The following STK4 variants were observed in gnomAD, a reference collection of about 807,000 sequenced individuals.
STK4 encodes serine/threonine-protein kinase 4.
A neutral mutation model predicts 64.9 loss-of-function variants in STK4; 30 were observed. The observed-to-expected ratio is 0.46, with a 90% CI of 0.35 to 0.63. The LOEUF (loss-of-function observed/expected upper bound fraction) is 0.63. STK4 is among the 20% of genes least tolerant of loss of function. The pLI, the probability that STK4 is intolerant of heterozygous loss-of-function variation, is 0.01. For synonymous variants in STK4, 177 were observed against 199.0 expected (o/e 0.89, Z 0.93); for missense variants, 466 against 598.5 (o/e 0.78, Z 2.31).
At chr20:45,006,791 A>G (rs2067954384) in intron 9 of STK4, among the ~76,000 whole-genome samples, 1 of 152,148 alleles carries the variant, frequency 6.6e-6, no homozygotes, top group Non-Finnish European at 1.5e-5. Context: ...TTTTTAAGCC[A>G]TCTTCTTAAG....
At chr20:45,023,932 G>A (rs1235636119) in intron 9 of STK4, among the ~76,000 whole-genome samples, 2 of 122,886 alleles carry the variant, frequency 1.6e-5, no homozygotes, top group East Asian at 2.3e-4. Context: ...ACAGAGTCTC[G>A]CTCTGTCACC....
At position 44,966,668 on chromosome 20, in the gene STK4, A is replaced by AG. The variant is rs1439617525; in HGVS notation, c.35+69dup. The AG allele has an allele frequency of 2.4e-6, 3 of 1,258,160 alleles. No individual in the cohort carries two copies. In the African/African-American group the frequency reaches 4.7e-5, roughly 20 times the overall value. 77.9% of individuals were successfully genotyped at this position (1,258,160 alleles called of 1,614,324 possible). On this transcript the variant is annotated intron_variant, in intron 1 of 10. Coordinates refer to ENST00000372806, the MANE Select transcript of STK4 (RefSeq NM_006282.5). ...GGGAAGAAAAGGCGGGAACTGGTTG[A>AG]GGGGATACACCTGTGTGGGAGTCCC...
intron 10 of STK4, among the ~76,000 whole-genome samples, chr20:45,066,460 C>T (rs1979585400): frequency 6.6e-6 from 1 of 152,208 alleles, no homozygotes; most frequent in Admixed American, 6.5e-5. Flanking sequence ...TCTCTAGGCT[C>T]TGTGGACAAA....
intron 5 of STK4, among the ~76,000 whole-genome samples, chr20:44,987,702 T>C (rs1453165069): frequency 1.3e-5 from 2 of 152,148 alleles, no homozygotes; most frequent in African/African-American, 4.8e-5. Flanking sequence ...CTCTGTTCGT[T>C]TGAGTCCAGG....
chr20:45,014,543 A>AT (rs984166878), intron 9 of STK4, among the ~76,000 whole-genome samples: 15 of 149,628 alleles, frequency 1.0e-4, no homozygotes, highest in South Asian at 2.1e-4. Flanking sequence ...GCAAAAAAAT[A>AT]TTTTTTTTTT....
chr20:44,980,199 C>G (rs2067413130), intron 3 of STK4, among the ~76,000 whole-genome samples: 1 of 152,220 alleles, frequency 6.6e-6, no homozygotes, highest in Admixed American at 6.5e-5. Flanking sequence ...CAGTATTTAA[C>G]TCCTGTCAGT....
rs71197599 is a variant in STK4 at position 45,062,989 on chromosome 20, CTTTTTTTTTTTTTT to C, written c.1306-12012_1306-11999del. Reference sequence around the variant, plus strand: ...ACAGGTGTGAGCCACCGCACCCGGCCTTTTTTTTTTTTTTTTTTTTTTTTTTTTTTGGACACAGG... The same window carrying C: ...ACAGGTGTGAGCCACCGCACCCGGCCTTTTTTTTTTTTTTTTGGACACAGG... On this transcript the variant is annotated intron_variant, in intron 10 of 10. Coordinates refer to ENST00000372806, the MANE Select transcript of STK4 (RefSeq NM_006282.5). Among the ~76,000 whole-genome samples, 24 of 31,500 alleles carry C rather than the reference CTTTTTTTTTTTTTT, an allele frequency of 7.6e-4. No individual in the cohort carries two copies. The South Asian group carries it at 0.029, about 38-fold the overall frequency. 20.7% of individuals were successfully genotyped at this position (31,500 alleles called of 152,430 possible). A position where few individuals can be genotyped will look rare whatever the true frequency, so the allele number is the denominator to read the frequency against.
intron 10 of STK4, among the ~76,000 whole-genome samples, chr20:45,070,193 G>A (rs898594142): frequency 1.8e-4 from 27 of 152,174 alleles, no homozygotes; most frequent in African/African-American, 6.3e-4. Context: ...GGGAGGCAGG[G>A]GCCAGCCATA....
intron 9 of STK4, among the ~76,000 whole-genome samples, chr20:45,020,970 C>A (rs1157926332): frequency 6.6e-6 from 1 of 151,904 alleles, no homozygotes; most frequent in Non-Finnish European, 1.5e-5. Context: ...TGCCACCACA[C>A]CCAGCTAATT....
Position 45,026,861 on chromosome 20 carries a change from A to G in STK4, c.1305+1731A>G, listed in dbSNP as rs574309914. Among the ~76,000 whole-genome samples the G allele has an allele frequency of 1.9e-3, 288 of 152,300 alleles. 1 individual carries two copies. The highest frequency in any genetic ancestry group is 6.8e-3 in the African/African-American group (284 of 41,564). On this transcript the variant is annotated intron_variant, in intron 10 of 10. Coordinates refer to ENST00000372806, the MANE Select transcript of STK4 (RefSeq NM_006282.5). ...CATCTGTTCCACTGAATCAGGGTTC[A>G]GCTTCAGAATCCTTCTTAACACAGC...
At chr20:45,029,206 C>T (rs1015541428) in intron 10 of STK4, among the ~76,000 whole-genome samples, 3 of 152,154 alleles carry the variant, frequency 2.0e-5, no homozygotes, top group Admixed American at 2.0e-4. Context: ...TAATGGTTGT[C>T]TGGAGCTGAG....
chr20:44,971,112 CACACACACACACAT>C (rs2067237981), intron 1 of STK4, among the ~76,000 whole-genome samples: 1 of 151,308 alleles, frequency 6.6e-6, no homozygotes, highest in African/African-American at 2.4e-5. Flanking sequence ...CACACACACA[CACACACACACACAT>C]ATTCCTTGGC....
chr20:45,059,233 C>T (rs1453797203), intron 10 of STK4, among the ~76,000 whole-genome samples: 3 of 152,172 alleles, frequency 2.0e-5, no homozygotes, highest in African/African-American at 7.2e-5. Context: ...TTTCTTTTTC[C>T]TTCTTCACAG....
At chr20:45,063,981 G>T (rs1979335137) in intron 10 of STK4, among the ~76,000 whole-genome samples, 1 of 151,960 alleles carries the variant, frequency 6.6e-6, no homozygotes. Context: ...CTAATTTTTT[G>T]TATGTTTTAG....
intron 10 of STK4, among the ~76,000 whole-genome samples, chr20:45,065,982 AT>A (rs746731789): frequency 2.1e-4 from 32 of 152,068 alleles, no homozygotes; most frequent in Non-Finnish European, 4.6e-4. Flanking sequence ...TTACTTAATA[AT>A]GGCCCCAAAG....
At chr20:45,065,525 C>T (rs1230695879) in intron 10 of STK4, among the ~76,000 whole-genome samples, 3 of 152,110 alleles carry the variant, frequency 2.0e-5, no homozygotes, top group African/African-American at 2.4e-5. Context: ...AGGAGTCCCT[C>T]CTCCTCAATT....
Position 45,079,534 on chromosome 20 carries a change from G to A in STK4, c.*4358G>A, listed in dbSNP as rs1169675804. 6.6e-6 allele frequency: 1 copy of A among 152,164 alleles called. No individual in the cohort carries two copies. The highest frequency in any genetic ancestry group is 1.9e-4 in the East Asian group (1 of 5,190). The allele number at this position is 152,164 out of a possible 1,614,324, so 9.4% of individuals were successfully genotyped here. A position where few individuals can be genotyped will look rare whatever the true frequency, so the allele number is the denominator to read the frequency against. ...CCATCTTTTCTTAAGCACTATGTTT[G>A]TGTTTTTATCAGTATTATATTCATT... On this transcript the variant is annotated 3_prime_UTR_variant, in exon 11 of 11. Coordinates refer to ENST00000372806, the MANE Select transcript of STK4 (RefSeq NM_006282.5).
chr20:45,059,930 A>G (rs373415968), intron 10 of STK4, among the ~76,000 whole-genome samples: 1 of 152,240 alleles, frequency 6.6e-6, no homozygotes, highest in Admixed American at 6.5e-5. Flanking sequence ...TATTGATTAC[A>G]TACTTTCAAA....
intron 10 of STK4, among the ~76,000 whole-genome samples, chr20:45,052,031 A>G (rs1037850239): frequency 1.3e-5 from 2 of 152,224 alleles, no homozygotes; most frequent in Non-Finnish European, 2.9e-5. Context: ...GGTCCCAGGC[A>G]TCTTGGATAA....
Sources: allele counts gnomAD v4.1 joint callset (sites outside exome capture counted in the v4.1 genomes callset), GRCh38; gene constraint gnomAD v4.1.1; transcripts MANE v1.5; gene names NCBI Gene and HGNC (gene_info 2026-07-23, HGNC 2026-07-21).